The following STX3 variants were observed in gnomAD, a reference collection of about 807,000 sequenced individuals.
STX3 encodes syntaxin 3, also known as syntaxin-3.
Under a neutral mutation model 40.2 loss-of-function variants are expected in STX3, and 19 were observed. The ratio of observed to expected loss-of-function variants is 0.47; its 90% CI spans 0.33 to 0.69. The LOEUF (loss-of-function observed/expected upper bound fraction) is 0.69. STX3 is among the 30% of genes least tolerant of loss of function. STX3 has a pLI of 0.02. For synonymous variants in STX3, 122 were observed against 132.2 expected, an observed-to-expected ratio of 0.92 and a Z score of 0.53; for missense variants, 364 against 366.7, an observed-to-expected ratio of 0.99 and a Z score of 0.06.
chr11:59,768,137 A>T (rs978106533), intron 1 of STX3, among the ~76,000 whole-genome samples: 1 of 152,178 alleles, frequency 6.6e-6, no homozygotes, highest in East Asian at 1.9e-4. Flanking sequence ...GGAGGCAGGG[A>T]AGAGGGGTGG....
At chr11:59,797,503 C>A in intron 10 of STX3, 107 bp downstream of exon 10, 1 of 789,134 alleles carries the variant, frequency 1.3e-6, no homozygotes, top group South Asian at 1.7e-5. Flanking sequence ...TCCTTGGACA[C>A]ACTGAGCTTT....
chr11:59,790,722 C>T, intron 5 of STX3, 136 bp downstream of exon 5: 1 of 689,412 alleles, frequency 1.5e-6, no homozygotes, highest in Non-Finnish European at 2.5e-6. Flanking sequence ...GAGAACTCTC[C>T]AGGTTGAAAT....
chr11:59,756,450 G>A (rs1167009216), intron 1 of STX3, among the ~76,000 whole-genome samples: 2 of 152,180 alleles, frequency 1.3e-5, no homozygotes, highest in African/African-American at 2.4e-5. Flanking sequence ...ATTCTATGGG[G>A]AGGTCCAGTG....
chr11:59,790,431 T>G, intron 4 of STX3, 88 bp from the exon 5 acceptor site: 1 of 1,015,720 alleles, frequency 9.8e-7, no homozygotes, highest in Non-Finnish European at 1.6e-6. Flanking sequence ...GGGCTGGATG[T>G]GTGGGAATGA....
intron 2 of STX3, among the ~76,000 whole-genome samples, chr11:59,775,018 T>A (rs1287289907): frequency 6.6e-6 from 1 of 152,236 alleles, no homozygotes; most frequent in Non-Finnish European, 1.5e-5. Flanking sequence ...AAACAAGAAG[T>A]ATCGTGCTCT....
chr11:59,796,093 T>A (rs188241152), intron 9 of STX3, among the ~76,000 whole-genome samples: 16 of 152,318 alleles, frequency 1.1e-4, no homozygotes, highest in African/African-American at 3.8e-4. Flanking sequence ...CCGCCTCCCT[T>A]CTCTTTTTCT....
intron 2 of STX3, among the ~76,000 whole-genome samples, chr11:59,786,117 C>T (rs1490971467): frequency 6.6e-6 from 1 of 152,130 alleles, no homozygotes; most frequent in African/African-American, 2.4e-5. Context: ...GGGTCCTGAT[C>T]GTCTGAGGAA....
At chr11:59,793,654 A>C in intron 8 of STX3, 140 bp downstream of exon 8, 3 of 1,191,616 alleles carry the variant, frequency 2.5e-6, no homozygotes, top group Non-Finnish European at 3.4e-6. Context: ...GAGAAACAGA[A>C]TCCCATGGGA....
intron 8 of STX3, among the ~76,000 whole-genome samples, chr11:59,793,968 G>A (rs1432890377): frequency 1.3e-5 from 2 of 152,000 alleles, no homozygotes; most frequent in Admixed American, 6.6e-5. Context: ...GCTCCTAATG[G>A]TGACGTTTTA....
Position 59,777,342 on chromosome 11 carries a change from C to T in STX3, c.114+4048C>T, listed in dbSNP as rs533362708. On this transcript the variant is annotated intron_variant, in intron 2 of 10. Transcript: ENST00000337979. Reference sequence around the variant, plus strand: ...CTTTTGGATTTTTAGGAATGTCTTCCGGATAATTCTGTTGCCTACTGCAGC... The same window carrying T: ...CTTTTGGATTTTTAGGAATGTCTTCTGGATAATTCTGTTGCCTACTGCAGC... 2.7e-4 allele frequency among the ~76,000 whole-genome samples: 41 copies of T among 152,254 alleles called. 1 individual carries two copies. The highest frequency in any genetic ancestry group is 1.5e-3 in the East Asian group (8 of 5,180).
chr11:59,790,673 A>G, intron 5 of STX3, 87 bp downstream of exon 5: 2 of 975,572 alleles, frequency 2.1e-6, no homozygotes, highest in Non-Finnish European at 3.2e-6. Context: ...TTTTTAATAC[A>G]ATCCTTATTT....
At chr11:59,788,790 C>A in intron 3 of STX3, 83 bp from the exon 4 acceptor site, 2 of 1,201,860 alleles carry the variant, frequency 1.7e-6, no homozygotes, top group Non-Finnish European at 2.4e-6. Context: ...TAAAGCTCCC[C>A]TCCTCTGATG....
At chr11:59,780,529 G>A (rs1305492199) in intron 2 of STX3, among the ~76,000 whole-genome samples, 1 of 152,172 alleles carries the variant, frequency 6.6e-6, no homozygotes, top group East Asian at 1.9e-4. Flanking sequence ...TCAAGGAGGA[G>A]GGAAGAGACC....
chr11:59,762,017 T>A (rs1863064664), intron 1 of STX3, among the ~76,000 whole-genome samples: 1 of 152,224 alleles, frequency 6.6e-6, no homozygotes, highest in South Asian at 2.1e-4. Context: ...ATACTTTATT[T>A]GGATTTCACT....
At chr11:59,787,790 CA>C (rs535967858) in intron 3 of STX3, among the ~76,000 whole-genome samples, 1 of 152,124 alleles carries the variant, frequency 6.6e-6, no homozygotes, top group Non-Finnish European at 1.5e-5. Flanking sequence ...TACAGATAAG[CA>C]AAAAAATCCG....
intron 10 of STX3, among the ~76,000 whole-genome samples, chr11:59,798,396 T>A (rs913327701): frequency 6.6e-6 from 1 of 151,484 alleles, no homozygotes; most frequent in Non-Finnish European, 1.5e-5. Context: ...TTAGTAGAGA[T>A]GGGGTTTTGC....
At chr11:59,764,122 A>T (rs1015262196) in intron 1 of STX3, among the ~76,000 whole-genome samples, 2 of 152,260 alleles carry the variant, frequency 1.3e-5, no homozygotes, top group African/African-American at 4.8e-5. Context: ...CTTTAAAAGC[A>T]TATAGTAGAA....
Position 59,803,685 on chromosome 11 carries a change from A to G in STX3, c.*2861A>G, listed in dbSNP as rs1158633562. Among the ~76,000 whole-genome samples the G allele has an allele frequency of 6.6e-6, 1 of 152,100 alleles. No individual in the cohort carries two copies. The highest frequency in any genetic ancestry group is 2.4e-5 in the African/African-American group (1 of 41,406). Reference sequence around the variant, plus strand: ...GAGGGCCGGCCACACAGTAAATTCAAATTAAATTTCTTCCCTTTCAAGGTT... The same window carrying G: ...GAGGGCCGGCCACACAGTAAATTCAGATTAAATTTCTTCCCTTTCAAGGTT... On this transcript the variant is annotated 3_prime_UTR_variant, in exon 11 of 11. Coordinates refer to ENST00000337979, the MANE Select transcript of STX3 (RefSeq NM_004177.5).
rs1348464270 is a variant in STX3, at chr11:59,755,542, AGCGCTCACCTGGGAC to A, written c.-43_-29del. 3,260 of 1,564,076 alleles carry A rather than the reference AGCGCTCACCTGGGAC, an allele frequency of 2.1e-3. 7 individuals carry two copies. The highest frequency in any genetic ancestry group is 2.3e-3 in the Non-Finnish European group (2,680 of 1,164,192). On this transcript the variant is annotated 5_prime_UTR_variant, in exon 1 of 11. Transcript: ENST00000337979. ...GCCGCTTCCGGCAGCTCACCTGGGA[AGCGCTCACCTGGGAC>A]GCGCTCACCTGGGACGCGCTACCTG...
Sources: allele counts gnomAD v4.1 joint callset (sites outside exome capture counted in the v4.1 genomes callset), GRCh38; gene constraint gnomAD v4.1.1; transcripts MANE v1.5; gene names NCBI Gene and HGNC (gene_info 2026-07-23, HGNC 2026-07-21).